The following PDE6A variants were observed in gnomAD, a reference collection of about 807,000 sequenced individuals.
PDE6A encodes the protein rod cGMP-specific 3',5'-cyclic phosphodiesterase subunit alpha.
In PDE6A, 84 loss-of-function variants were observed where a neutral mutation model predicts 106.3. That is an observed-to-expected ratio of 0.79 (90% CI 0.66 to 0.95). PDE6A has a LOEUF of 0.95. Among genes scored for constraint, PDE6A ranks in the 40% least tolerant of loss-of-function variants. The pLI is 0.00. For synonymous variants in PDE6A, 394 were observed against 386.6 expected, an observed-to-expected ratio of 1.02 and a Z score of -0.23; for missense variants, 1,052 against 1,084.9, an observed-to-expected ratio of 0.97 and a Z score of 0.43.
intron 4 of PDE6A, among the ~76,000 whole-genome samples, chr5:149,930,533 C>T (rs1440805951): frequency 6.6e-6 from 1 of 152,252 alleles, no homozygotes; most frequent in South Asian, 2.1e-4. Flanking sequence ...ACATCGAACT[C>T]TGCCTCCTTA....
Position 149,944,541 on chromosome 5 carries a change from C to T in PDE6A, c.133G>A (p.Asp45Asn), listed in dbSNP as rs374196483. 5 of 1,613,950 alleles carry T rather than the reference C, an allele frequency of 3.1e-6. No individual in the cohort carries two copies. In the African/African-American group the frequency reaches 4.0e-5, roughly 13 times the overall value. ...DLLGAKEAAV[D>N]FSNYHSPSSM... is the part of the protein sequence containing the mutation. ...CTCGGGGAGTGGTAGTTGCTGAAGT[C>T]CACGGCAGCCTCCTTGGCCCCAAGG... Residue 45 changes from aspartate (D) to asparagine (N), a missense_variant, in exon 1 of 22, where the codon GAC (aspartate) becomes AAC (asparagine). Transcript: ENST00000255266.
intron 1 of PDE6A, among the ~76,000 whole-genome samples, chr5:149,937,240 C>A (rs973708848): frequency 2.6e-5 from 4 of 151,988 alleles, no homozygotes; most frequent in Non-Finnish European, 4.4e-5. Context: ...TCGTGAGGAA[C>A]AGAAAGAAAA....
chr5:149,873,578 C>T (rs566297581), intron 17 of PDE6A, among the ~76,000 whole-genome samples: 3 of 152,102 alleles, frequency 2.0e-5, no homozygotes, highest in Non-Finnish European at 4.4e-5. Context: ...GTGATCCGCC[C>T]GCCTTGGCCT....
chr5:149,916,687 G>T (rs150023869), intron 5 of PDE6A, among the ~76,000 whole-genome samples: 1 of 152,124 alleles, frequency 6.6e-6, no homozygotes, highest in Non-Finnish European at 1.5e-5. Flanking sequence ...TTTTTCTTAG[G>T]TCCTCTGTAT....
intron 4 of PDE6A, among the ~76,000 whole-genome samples, chr5:149,927,268 A>G (rs7727724): frequency 0.26 from 39,481 of 151,832 alleles, 6,547 homozygotes; most frequent in African/African-American, 0.46. Flanking sequence ...TGCGGGACTG[A>G]GAGTTGCTCT....
chr5:149,886,575 G>T (rs546650345), intron 13 of PDE6A, among the ~76,000 whole-genome samples: 1 of 152,274 alleles, frequency 6.6e-6, no homozygotes, highest in African/African-American at 2.4e-5. Flanking sequence ...TGCTAGAATG[G>T]GGAAAGTCCC....
intron 17 of PDE6A, among the ~76,000 whole-genome samples, chr5:149,875,614 T>C (rs1760712312): frequency 6.6e-6 from 1 of 151,638 alleles, no homozygotes; most frequent in African/African-American, 2.4e-5. Flanking sequence ...CTCAGCCTCC[T>C]GAGTAGTTGG....
In PDE6A at chr5:149,896,356, C is replaced by T. The variant is rs727504072; in HGVS notation, c.1620G>A (p.Glu540=). The T allele has an allele frequency of 1.8e-5, 29 of 1,611,812 alleles. No individual in the cohort carries two copies. Among genetic ancestry groups the T allele is most frequent in the Non-Finnish European group, 2.5e-5 (29 of 1,178,196 alleles). ...TCATATATATTTGTTTTGACCTCAC[C>T]TCTTGTGGAATGTGAAATTTATCCA... ...KVVDKFHIPQ[E]ALVRFMYSLS... The change falls in exon 12 of 22, where the codon GAG becomes GAA. Residue 540 remains glutamate, a splice_region_variant and synonymous_variant. Transcript: ENST00000255266.
rs560905491 is a variant in PDE6A at position 149,906,519 on chromosome 5, C to CAAAAAAAAAAAA, written c.1065+781_1065+792dup. Among the ~76,000 whole-genome samples the CAAAAAAAAAAAA allele has an allele frequency of 2.9e-3, 155 of 54,188 alleles. 16 individuals are homozygous for CAAAAAAAAAAAA. Among genetic ancestry groups the CAAAAAAAAAAAA allele is most frequent in the African/African-American group, 3.8e-3 (61 of 16,240 alleles). The allele number at this position is 54,188 out of a possible 152,430, so 35.5% of individuals were successfully genotyped here. ...CCAGCCTGGGCAACAGAGACACTGT[C>CAAAAAAAAAAAA]AAAAAAAAAAAAAAAAAAATCCCAC... On this transcript the variant is annotated intron_variant, in intron 7 of 21. Transcript: ENST00000255266.
intron 8 of PDE6A, among the ~76,000 whole-genome samples, chr5:149,902,608 G>A (rs1034896450): frequency 6.6e-6 from 1 of 152,140 alleles, no homozygotes; most frequent in Non-Finnish European, 1.5e-5. Context: ...ATCACCTGCG[G>A]TCAGGAGTTC....
intron 4 of PDE6A, among the ~76,000 whole-genome samples, chr5:149,929,249 G>A (rs1030408752): frequency 6.6e-6 from 1 of 152,144 alleles, no homozygotes; most frequent in Non-Finnish European, 1.5e-5. Flanking sequence ...ATACACTGTA[G>A]ATTGTACATA....
At chr5:149,935,296 A>G (rs1754150402) in intron 1 of PDE6A, among the ~76,000 whole-genome samples, 1 of 152,070 alleles carries the variant, frequency 6.6e-6, no homozygotes, top group African/African-American at 2.4e-5. Context: ...GTGTAACTCC[A>G]GAGCCTGCCT....
At chr5:149,864,669 G>A (rs1332662292) in intron 20 of PDE6A, among the ~76,000 whole-genome samples, 1 of 152,204 alleles carries the variant, frequency 6.6e-6, no homozygotes, top group East Asian at 1.9e-4. Context: ...TTTAGGTAAG[G>A]AAATTGAGAT....
Position 149,883,461 on chromosome 5 carries a change from C to T in PDE6A, c.2103G>A (p.Met701Ile). The T allele has an allele frequency of 6.2e-7, 1 of 1,613,612 alleles. No homozygotes were observed. The highest frequency in any genetic ancestry group is 8.5e-7 in the Non-Finnish European group (1 of 1,179,510). Reference protein sequence around the residue: ...YESEQEWTQYMMLEQTRKEIV... With the variant: ...YESEQEWTQYIMLEQTRKEIV... The stretch of plus-strand genomic sequence containing the variant: ...TTTCCTTCCGTGTCTGCTCCAGCAT[C>T]ATGTACTGTGTCCACTCCTGTTCAC... The change falls in exon 17 of 22, where the codon ATG (methionine) becomes ATA (isoleucine). Residue 701 changes from methionine to isoleucine, a missense_variant. By Grantham distance (10) the Met-to-Ile change is conservative. This residue lies in a region of PDE6A where 913 missense variants were observed against 915.2 expected (regional missense o/e 1.00). Transcript: ENST00000255266.
chr5:149,944,068 GTAAA>G, intron 1 of PDE6A, 128 bp downstream of exon 1: 3 of 695,670 alleles, frequency 4.3e-6, no homozygotes, highest in African/African-American at 1.8e-5. Context: ...GAGTAAATAT[GTAAA>G]TAAATAAAGA....
At chr5:149,904,464 G>A (rs376391994) in intron 7 of PDE6A, among the ~76,000 whole-genome samples, 110 of 152,216 alleles carry the variant, frequency 7.2e-4, no homozygotes, top group Admixed American at 4.1e-3. Context: ...TGGGGCCACC[G>A]TGTACAGTTG....
intron 4 of PDE6A, among the ~76,000 whole-genome samples, chr5:149,922,266 A>G (rs11167488): frequency 0.11 from 15,983 of 151,832 alleles, 1,113 homozygotes; most frequent in Admixed American, 0.2. Flanking sequence ...TCAATTATAT[A>G]TAGAAACTGT....
chr5:149,900,499 G>A (rs1169504663), intron 8 of PDE6A, among the ~76,000 whole-genome samples: 1 of 150,160 alleles, frequency 6.7e-6, no homozygotes, highest in Non-Finnish European at 1.5e-5. Flanking sequence ...AATCTGTAAG[G>A]TAAACCAGCA....
chr5:149,938,995 C>T (rs1042981438), intron 1 of PDE6A, among the ~76,000 whole-genome samples: 4 of 152,190 alleles, frequency 2.6e-5, no homozygotes, highest in Non-Finnish European at 5.9e-5. Flanking sequence ...CCCCTGTCTA[C>T]ACCACCTTCC....
Sources: gnomAD v4.1 joint callset for allele counts (sites outside exome capture counted in the v4.1 genomes callset) on GRCh38, gnomAD v4.1.1 for gene constraint, gnomAD v4.1.1 regional missense constraint, MANE v1.5 for transcripts, NCBI Gene and HGNC (gene_info 2026-07-23, HGNC 2026-07-21) for gene names.